SLC67A1: variants seen among roughly 807,000 people sequenced by gnomAD.
The protein encoded by SLC67A1 is solute carrier family 67 member 1, also known as solute carrier family 67 member A1.
the SLC67A1 span, chr11:2,922,206 GA>G: frequency 1.9e-6 from 3 of 1,611,886 alleles, no homozygotes; most frequent in Non-Finnish European, 2.5e-6. Context: ...TGGCCATGGT[GA>G]GGGCTCCCCG....
the SLC67A1 span, among the ~76,000 whole-genome samples, chr11:2,923,237 C>G: frequency 6.6e-6 from 1 of 152,184 alleles, no homozygotes; most frequent in Non-Finnish European, 1.5e-5. The surrounding 1 kb of genome is among the most constrained non-coding windows in gnomAD (Gnocchi z 6.5). Context: ...CTTTGGAGTA[C>G]TGGAGATTCT....
chr11:2,916,342 A>AC, the SLC67A1 span: 1 of 405,668 alleles, frequency 2.5e-6, no homozygotes, highest in Non-Finnish European at 4.4e-6. Flanking sequence ...CCAGGCGCTC[A>AC]CCAGCCTGGC....
At chr11:2,900,335 G>A in the SLC67A1 span, among the ~76,000 whole-genome samples, 1 of 152,110 alleles carries the variant, frequency 6.6e-6, no homozygotes. Flanking sequence ...TGGACAAAAG[G>A]CATTTGGTCC....
chr11:2,909,413 G>A, the SLC67A1 span: 4 of 1,479,856 alleles, frequency 2.7e-6, no homozygotes, highest in African/African-American at 1.5e-5. Context: ...GCCTGCGGAG[G>A]ACCCGGGACA....
the SLC67A1 span, among the ~76,000 whole-genome samples, chr11:2,905,781 G>A: frequency 1.8e-4 from 28 of 152,218 alleles, no homozygotes; most frequent in Non-Finnish European, 3.2e-4. Context: ...TAGCTGTAGG[G>A]GAGGGTCAAG....
chr11:2,925,013 C>T, the SLC67A1 span: 2 of 1,608,726 alleles, frequency 1.2e-6, no homozygotes, highest in East Asian at 2.2e-5. This position sits in a 1 kb window ranked among gnomAD's most constrained non-coding sequence, Gnocchi z 6.5. Context: ...CCCCCAGGGA[C>T]CATGCTGGGC....
chr11:2,904,685 T>C, the SLC67A1 span, among the ~76,000 whole-genome samples: 130,386 of 152,210 alleles, frequency 0.86, 55,989 homozygotes, highest in East Asian at 1. Context: ...ACCTGAAATA[T>C]TGCAGAGTGT....
the SLC67A1 span, among the ~76,000 whole-genome samples, chr11:2,905,303 G>A: frequency 6.6e-6 from 1 of 152,166 alleles, no homozygotes; most frequent in Non-Finnish European, 1.5e-5. Flanking sequence ...GCCCAGAGCA[G>A]CAGACCATCG....
chr11:2,924,935 C>T, the SLC67A1 span: 1 of 1,386,714 alleles, frequency 7.2e-7, no homozygotes, highest in Non-Finnish European at 9.9e-7. This position sits in a 1 kb window ranked among gnomAD's most constrained non-coding sequence, Gnocchi z 8.6. Flanking sequence ...GATGGGAGGC[C>T]ATGGCTGTGT....
chr11:2,908,340 G>A, the SLC67A1 span: 1 of 1,602,282 alleles, frequency 6.2e-7, no homozygotes, highest in Non-Finnish European at 8.5e-7. Flanking sequence ...GGTACAGTGT[G>A]TGTGTGTACA....
the SLC67A1 span, among the ~76,000 whole-genome samples, chr11:2,917,256 C>T: frequency 1.3e-5 from 2 of 152,210 alleles, no homozygotes; most frequent in African/African-American, 4.8e-5. Flanking sequence ...TGAACGCAGC[C>T]CCTTTGTGCC....
At chr11:2,916,371 C>G in the SLC67A1 span, 1 of 436,572 alleles carries the variant, frequency 2.3e-6, no homozygotes, top group Non-Finnish European at 4.0e-6. Context: ...CTGCTACCCA[C>G]AGGGGCTGCC....
chr11:2,903,936 TG>T, the SLC67A1 span, among the ~76,000 whole-genome samples: 3 of 152,334 alleles, frequency 2.0e-5, no homozygotes, highest in South Asian at 6.2e-4. Flanking sequence ...GGGTCCTTGT[TG>T]TCCACTAAAT....
chr11:2,907,613 G>T, the SLC67A1 span, among the ~76,000 whole-genome samples: 1 of 152,160 alleles, frequency 6.6e-6, no homozygotes, highest in African/African-American at 2.4e-5. The surrounding 1 kb of genome is among the most constrained non-coding windows in gnomAD (Gnocchi z 6.7). Flanking sequence ...ATATGAATTT[G>T]GGGGGTACAC....
chr11:2,900,018 C>T, the SLC67A1 span, among the ~76,000 whole-genome samples: 7,982 of 152,226 alleles, frequency 0.052, 285 homozygotes, highest in African/African-American at 0.088. Context: ...TGCCCATCCT[C>T]CCCCAGGAGT....
the SLC67A1 span, among the ~76,000 whole-genome samples, chr11:2,923,090 A>T: frequency 6.6e-6 from 1 of 152,096 alleles, no homozygotes; most frequent in Non-Finnish European, 1.5e-5. This position sits in a 1 kb window ranked among gnomAD's most constrained non-coding sequence, Gnocchi z 6.5. Context: ...GGCCGAAGAG[A>T]GCCGCTCATG....
At chr11:2,921,036 T>C in the SLC67A1 span, 1 of 143,138 alleles carries the variant, frequency 7.0e-6, no homozygotes. Flanking sequence ...CTGGCGAACA[T>C]GGTGAAACCC....
At chr11:2,912,849 C>G in the SLC67A1 span, among the ~76,000 whole-genome samples, 2 of 152,188 alleles carry the variant, frequency 1.3e-5, no homozygotes, top group African/African-American at 4.8e-5. Context: ...GCAGGGAGCC[C>G]TGCAGGGTTT....
chr11:2,902,977 C>G, the SLC67A1 span: 2 of 250,648 alleles, frequency 8.0e-6, no homozygotes, highest in African/African-American at 4.4e-5. Flanking sequence ...CTCTGCCTCC[C>G]TCTAAAAGTG....
Sources: allele counts gnomAD v4.1 joint callset (sites outside exome capture counted in the v4.1 genomes callset), GRCh38; gene constraint gnomAD v4.1.1; non-coding constraint Gnocchi (gnomAD v3.1); transcripts MANE v1.5; gene names NCBI Gene and HGNC (gene_info 2026-07-23, HGNC 2026-07-21).